VRK1: variants seen among roughly 807,000 people sequenced by gnomAD.
VRK1 encodes the protein VRK serine/threonine kinase 1.
VRK1 carries 33 observed loss-of-function variants against 57.1 expected under a neutral mutation model. The ratio of observed to expected loss-of-function variants is 0.58; its 90% CI spans 0.44 to 0.77. The LOEUF (loss-of-function observed/expected upper bound fraction) is 0.77, where lower values mean the gene tolerates loss of function less well. Ranked by LOEUF, VRK1 falls within the 30% of genes least tolerant of loss-of-function variation. The pLI, the probability that VRK1 is intolerant of heterozygous loss-of-function variation, is 0.00. For missense variants in VRK1, 413 were observed against 477.3 expected, an observed-to-expected ratio of 0.87 and a Z score of 1.25; for synonymous variants, 137 against 147.8, an observed-to-expected ratio of 0.93 and a Z score of 0.53.
At position 96,820,285 on chromosome 14, in the gene VRK1, A is replaced by G. The variant is rs146740755; in HGVS notation, c.-5-13182A>G. Among the ~76,000 whole-genome samples, 28 of 151,698 alleles carry G rather than the reference A, an allele frequency of 1.8e-4. No individual in the cohort carries two copies. In the East Asian group the frequency reaches 5.0e-3, roughly 27 times the overall value. On this transcript the variant is annotated intron_variant, in intron 1 of 12. Transcript: ENST00000216639. ...AGGCATCCACTTATAGAGCTTTTTC[A>G]CCTTCCCAATTTGCTTCAAATGCTG...
intron 11 of VRK1, among the ~76,000 whole-genome samples, chr14:96,868,383 A>G (rs1022378188): frequency 1.3e-5 from 2 of 152,168 alleles, no homozygotes; most frequent in African/African-American, 4.8e-5. Flanking sequence ...GATTTTTAAA[A>G]AACTTCCTAG....
intron 2 of VRK1, among the ~76,000 whole-genome samples, chr14:96,834,149 C>T (rs73357320): frequency 4.4e-4 from 67 of 152,028 alleles, no homozygotes; most frequent in Non-Finnish European, 8.1e-4. Context: ...TTTGGGGACC[C>T]GTTGTGGAAT....
chr14:96,875,879 A>G (rs908308792), intron 11 of VRK1, 151 bp from the exon 12 acceptor site: 3 of 789,378 alleles, frequency 3.8e-6, no homozygotes, highest in Non-Finnish European at 6.1e-6. Flanking sequence ...TTAGGTAACT[A>G]CTATCCTGAA....
At chr14:96,853,305 A>G in intron 7 of VRK1, 139 bp downstream of exon 7, 3 of 752,086 alleles carry the variant, frequency 4.0e-6, no homozygotes, top group Non-Finnish European at 6.7e-6. Context: ...TGACACTTTG[A>G]TCTAGTTAAC....
intron 11 of VRK1, among the ~76,000 whole-genome samples, chr14:96,875,129 T>C (rs560698228): frequency 1.8e-4 from 27 of 152,340 alleles, no homozygotes; most frequent in Admixed American, 2.0e-4. Flanking sequence ...GATAAAGTTA[T>C]ATAAAAAAAT....
chr14:96,797,778 C>T (rs1017495920), intron 1 of VRK1, among the ~76,000 whole-genome samples: 1 of 152,250 alleles, frequency 6.6e-6, no homozygotes, highest in Admixed American at 6.5e-5. Context: ...CGCCTCGGGC[C>T]TCACCGGGAA....
rs192842819 is a variant in VRK1 at position 96,880,625 on chromosome 14, C to G, written c.1160-552C>G. ...GACTTAGACCAGTATCACATATGAT[C>G]CTTTTCCAGGAGGCTACTCATTTGG... On this transcript the variant is annotated intron_variant, in intron 12 of 12. Transcript: ENST00000216639. 1.1e-3 allele frequency among the ~76,000 whole-genome samples: 173 copies of G among 152,284 alleles called. 1 individual carries two copies. Among genetic ancestry groups the G allele is most frequent in the Admixed American group, 1.3e-3 (20 of 15,282 alleles).
intron 1 of VRK1, among the ~76,000 whole-genome samples, chr14:96,801,680 A>G (rs1334010017): frequency 1.3e-5 from 2 of 152,234 alleles, no homozygotes; most frequent in Admixed American, 1.3e-4. Flanking sequence ...TACCAATAGC[A>G]TAAACAATTA....
chr14:96,798,017 A>T (rs1013302084), intron 1 of VRK1, among the ~76,000 whole-genome samples: 2 of 151,960 alleles, frequency 1.3e-5, no homozygotes, highest in Admixed American at 1.3e-4. Context: ...TTGACTTGAG[A>T]CCTGAGAGGG....
intron 1 of VRK1, among the ~76,000 whole-genome samples, chr14:96,798,839 G>T (rs544609418): frequency 7.9e-5 from 12 of 152,276 alleles, no homozygotes; most frequent in Non-Finnish European, 1.2e-4. Flanking sequence ...AAATTTCTGG[G>T]TAGATAAGAT....
intron 11 of VRK1, among the ~76,000 whole-genome samples, chr14:96,865,588 A>G (rs1225043795): frequency 6.6e-6 from 1 of 152,152 alleles, no homozygotes; most frequent in Non-Finnish European, 1.5e-5. Context: ...AGTTGACTTT[A>G]CTCTATAGAG....
At chr14:96,807,183 A>G (rs577176065) in intron 1 of VRK1, among the ~76,000 whole-genome samples, 1 of 152,358 alleles carries the variant, frequency 6.6e-6, no homozygotes, top group East Asian at 1.9e-4. Context: ...CCACTGCTCT[A>G]GAGACAGCCT....
chr14:96,808,608 AG>A (rs1209552619), intron 1 of VRK1, among the ~76,000 whole-genome samples: 8 of 150,054 alleles, frequency 5.3e-5, no homozygotes, highest in Admixed American at 5.3e-4. Flanking sequence ...ACATAACTAT[AG>A]TTTTACCTGG....
intron 1 of VRK1, among the ~76,000 whole-genome samples, chr14:96,827,628 TA>T (rs1441067398): frequency 6.6e-6 from 1 of 152,176 alleles, no homozygotes; most frequent in Non-Finnish European, 1.5e-5. Flanking sequence ...CACTCTCCCT[TA>T]GCCTTGGAGA....
chr14:96,827,933 G>A (rs984419318), intron 1 of VRK1, among the ~76,000 whole-genome samples: 16 of 151,966 alleles, frequency 1.1e-4, no homozygotes, highest in Non-Finnish European at 2.4e-4. Context: ...ACCAAGATTG[G>A]GATATAGAAT....
At position 96,811,485 on chromosome 14, in the gene VRK1, A is replaced by G. The variant is rs145309567; in HGVS notation, c.-6+14038A>G. ...GAATCAGCAGAAGTCATTCAAGATC[A>G]GTGAGTTGTAGTCTTGGCAAATTCT... is the stretch of plus-strand genomic sequence containing the variant. On this transcript the variant is annotated intron_variant, in intron 1 of 12. Transcript: ENST00000216639. Among the ~76,000 whole-genome samples the G allele has an allele frequency of 7.4e-4, 113 of 152,340 alleles. 1 individual carries two copies. The highest frequency in any genetic ancestry group is 2.6e-3 in the African/African-American group (108 of 41,576).
chr14:96,848,790 AC>A (rs1887818996), intron 5 of VRK1, among the ~76,000 whole-genome samples: 1 of 152,168 alleles, frequency 6.6e-6, no homozygotes, highest in Non-Finnish European at 1.5e-5. Context: ...AGTAACAGCT[AC>A]CCACTTAATG....
At chr14:96,841,148 G>A (rs1268943973) in intron 3 of VRK1, among the ~76,000 whole-genome samples, 2 of 152,038 alleles carry the variant, frequency 1.3e-5, no homozygotes, top group Non-Finnish European at 2.9e-5. Context: ...ATGAGCCATG[G>A]CACATGGCCT....
Position 96,856,486 on chromosome 14 carries a change from A to G in VRK1, c.831-42A>G, listed in dbSNP as rs1245911520. 9 of 1,528,694 alleles carry G rather than the reference A, an allele frequency of 5.9e-6. No homozygotes were observed. The South Asian group carries it at 1.0e-4, about 17-fold the overall frequency. The allele number at this position is 1,528,694 out of a possible 1,614,324, so 94.7% of individuals were successfully genotyped here. On this transcript the variant is annotated intron_variant, in intron 9 of 12. Transcript: ENST00000216639. ...ATATATTTTTATTTCATATTAACATATGACATCAAGCTTCAGTGACTCATT... is the reference window on the plus strand; with the variant it reads ...ATATATTTTTATTTCATATTAACATGTGACATCAAGCTTCAGTGACTCATT...
Sources: gnomAD v4.1 joint callset for allele counts (sites outside exome capture counted in the v4.1 genomes callset) on GRCh38, gnomAD v4.1.1 for gene constraint, MANE v1.5 for transcripts, NCBI Gene and HGNC (gene_info 2026-07-23, HGNC 2026-07-21) for gene names.